Variants in PSD3 observed in about 807,000 individuals in gnomAD.
The protein encoded by PSD3 is PH and SEC7 domain-containing protein 3.
In PSD3, 49 loss-of-function variants were observed where a neutral mutation model predicts 105.5. The observed-to-expected ratio is 0.46, with a 90% CI of 0.37 to 0.59. PSD3 has a LOEUF of 0.59. Among genes scored for constraint, PSD3 ranks in the 20% least tolerant of loss-of-function variants. PSD3 has a pLI of 0.00. For synonymous variants in PSD3, 557 were observed against 457.8 expected (o/e 1.22, Z -2.77); for missense variants, 1,561 against 1,263.8 (o/e 1.24, Z -3.57).
intron 2 of PSD3, among the ~76,000 whole-genome samples, chr8:18,910,069 T>C (rs1820104837): frequency 6.6e-6 from 1 of 152,150 alleles, no homozygotes; most frequent in East Asian, 1.9e-4. Context: ...CTGAATGCCC[T>C]GTCATTGGCA....
At chr8:18,937,562 G>A (rs1239478731) in intron 1 of PSD3, among the ~76,000 whole-genome samples, 2 of 152,148 alleles carry the variant, frequency 1.3e-5, no homozygotes, top group Non-Finnish European at 2.9e-5. Flanking sequence ...AATACCAAGA[G>A]CTAGCGTGCA....
intron 1 of PSD3, among the ~76,000 whole-genome samples, chr8:19,038,736 G>A (rs927674000): frequency 1.1e-4 from 17 of 152,160 alleles, no homozygotes; most frequent in African/African-American, 3.4e-4. Context: ...TGCTGTGAAG[G>A]TGTGAGCCTG....
chr8:18,785,227 T>C (rs1395089224), intron 8 of PSD3, among the ~76,000 whole-genome samples: 1 of 152,212 alleles, frequency 6.6e-6, no homozygotes, highest in Non-Finnish European at 1.5e-5. Flanking sequence ...TTTATCACCT[T>C]GATGAAATGA....
intron 3 of PSD3, among the ~76,000 whole-genome samples, chr8:18,871,132 T>C (rs776709438): frequency 2.6e-5 from 4 of 151,972 alleles, no homozygotes; most frequent in Non-Finnish European, 5.9e-5. Flanking sequence ...ACATAGGAAA[T>C]TGAGTGGGCC....
chr8:18,666,918 CCT>C (rs1799500110), intron 9 of PSD3, among the ~76,000 whole-genome samples: 1 of 152,078 alleles, frequency 6.6e-6, no homozygotes, highest in African/African-American at 2.4e-5. Flanking sequence ...CACTGACTTC[CCT>C]CGCGGTCAGT....
chr8:18,805,018 A>T (rs1003972048), intron 4 of PSD3, 120 bp from the exon 5 acceptor site: 2 of 829,026 alleles, frequency 2.4e-6, no homozygotes, highest in Non-Finnish European at 3.6e-6. Flanking sequence ...AGATCACTGT[A>T]TGTTTAAATA....
At chr8:18,821,901 C>CACAA (rs991765531) in intron 4 of PSD3, among the ~76,000 whole-genome samples, 1 of 146,164 alleles carries the variant, frequency 6.8e-6, no homozygotes, top group East Asian at 2.0e-4. Flanking sequence ...CACACACACA[C>CACAA]AAATGGTTGC....
At chr8:19,083,031 A>G (rs113134418) in intron 1 of PSD3, among the ~76,000 whole-genome samples, 7 of 152,128 alleles carry the variant, frequency 4.6e-5, no homozygotes, top group African/African-American at 1.7e-4. Context: ...TGGATGACGC[A>G]GTACCCCCTC....
intron 8 of PSD3, among the ~76,000 whole-genome samples, chr8:18,778,130 T>C (rs559252081): frequency 6.6e-6 from 1 of 152,328 alleles, no homozygotes; most frequent in East Asian, 1.9e-4. Context: ...CTGACATTAA[T>C]TTCCTTCCAT....
rs908514140 is a variant in PSD3 at position 18,872,639 on chromosome 8, A to C, written c.225T>G (p.Ala75=). ...TMEEGGEGLR[A]SLEFDGEALP... ...GAGCCTCACCATCAAATTCCAGAGA[A>C]GCCCTTAGGCCTTCTCCACCTTCCT... The change falls in exon 3 of 16, where the codon GCT becomes GCG. Residue 75 remains alanine (A), a synonymous_variant. Coordinates refer to ENST00000327040, the MANE Select transcript of PSD3 (RefSeq NM_015310.4). 4.3e-6 allele frequency: 7 copies of C among 1,613,800 alleles called. No homozygotes were observed. The Admixed American group carries it at 8.3e-5, about 19-fold the overall frequency.
intron 4 of PSD3, among the ~76,000 whole-genome samples, chr8:18,814,319 G>A (rs1212731760): frequency 6.6e-6 from 1 of 152,074 alleles, no homozygotes; most frequent in African/African-American, 2.4e-5. Context: ...TCCAGAAGAG[G>A]GCACCCACAT....
At chr8:18,651,477 A>C (rs1240077801) in intron 10 of PSD3, among the ~76,000 whole-genome samples, 1 of 152,200 alleles carries the variant, frequency 6.6e-6, no homozygotes, top group East Asian at 1.9e-4. Flanking sequence ...TCTTTTAAGA[A>C]ATGTGGTTCC....
chr8:19,011,761 C>T (rs1365748680), intron 1 of PSD3, among the ~76,000 whole-genome samples: 2 of 127,684 alleles, frequency 1.6e-5, no homozygotes, highest in Admixed American at 7.3e-5. Context: ...GCTTCTTATG[C>T]TCGCATTTAA....
At position 18,625,352 on chromosome 8, in the gene PSD3, T is replaced by C. The variant is rs939598999; in HGVS notation, c.2410+7261A>G. Among the ~76,000 whole-genome samples, 4 of 152,316 alleles carry C rather than the reference T, an allele frequency of 2.6e-5. No individual in the cohort carries two copies. The South Asian group carries it at 8.3e-4, about 32-fold the overall frequency. ...CTTTTCCAACCCATCATCCTATCTGTATGTCTTATTATCTTGGAAAATGTC... is the reference window on the plus strand; with the variant it reads ...CTTTTCCAACCCATCATCCTATCTGCATGTCTTATTATCTTGGAAAATGTC... On this transcript the variant is annotated intron_variant, in intron 11 of 15. Transcript: ENST00000327040.
chr8:18,666,622 A>G (rs1211098378), intron 9 of PSD3, among the ~76,000 whole-genome samples: 1 of 151,448 alleles, frequency 6.6e-6, no homozygotes, highest in Non-Finnish European at 1.5e-5. Context: ...CCAGGGAGAG[A>G]CTCCGGGGGT....
chr8:18,768,451 G>C (rs1363539683), intron 8 of PSD3, among the ~76,000 whole-genome samples: 1 of 151,952 alleles, frequency 6.6e-6, no homozygotes, highest in East Asian at 1.9e-4. Context: ...ATGAAAATTA[G>C]CTGGGTATGA....
chr8:18,779,950 C>T lies in PSD3; in HGVS notation c.2083-14412G>A, dbSNP rs537885337. Among the ~76,000 whole-genome samples the T allele has an allele frequency of 2.8e-4, 42 of 152,260 alleles. No individual in the cohort carries two copies. In the South Asian group the frequency reaches 2.9e-3, roughly 11 times the overall value. On this transcript the variant is annotated intron_variant, in intron 8 of 15. Transcript: ENST00000327040. ...TCTATCAAGCGCATTTGATCTAAAA[C>T]GAAGTTTAAATCCAATACCTCTTTG... is the stretch of plus-strand genomic sequence containing the variant.
At chr8:18,861,880 T>C (rs933769077) in intron 4 of PSD3, among the ~76,000 whole-genome samples, 2 of 152,018 alleles carry the variant, frequency 1.3e-5, no homozygotes, top group Non-Finnish European at 2.9e-5. Context: ...TGAAAAGACC[T>C]CCCCGAGAAC....
chr8:18,799,069 G>A (rs1294453669), intron 8 of PSD3: 3 of 483,602 alleles, frequency 6.2e-6, no homozygotes, highest in Admixed American at 3.4e-5. Flanking sequence ...ACACATTACT[G>A]CTAAAACAAC....
Sources: gnomAD v4.1 joint callset for allele counts (sites outside exome capture counted in the v4.1 genomes callset) on GRCh38, gnomAD v4.1.1 for gene constraint, MANE v1.5 for transcripts, NCBI Gene and HGNC (gene_info 2026-07-23, HGNC 2026-07-21) for gene names.